The following ADAMTS2 variants were observed in gnomAD, a reference collection of about 807,000 sequenced individuals.
ADAMTS2 encodes the protein A disintegrin and metalloproteinase with thrombospondin motifs 2.
In ADAMTS2, 50 loss-of-function variants were observed where a neutral mutation model predicts 123.0. The ratio of observed to expected loss-of-function variants is 0.41; its 90% CI spans 0.32 to 0.51. ADAMTS2 has a LOEUF of 0.51. Among genes scored for constraint, ADAMTS2 ranks in the 20% least tolerant of loss-of-function variants. The pLI is 0.35. For synonymous variants in ADAMTS2, 678 were observed against 695.4 expected, an observed-to-expected ratio of 0.98 and a Z score of 0.39; for missense variants, 1,494 against 1,705.2, an observed-to-expected ratio of 0.88 and a Z score of 2.18.
chr5:179,114,176 C>T lies in ADAMTS2; in HGVS notation c.3327G>A (p.Pro1109=), dbSNP rs769116395. The T allele has an allele frequency of 1.8e-5, 29 of 1,611,940 alleles. No homozygotes were observed. The highest frequency in any genetic ancestry group is 6.7e-5 in the East Asian group (3 of 44,870). The change falls in exon 22 of 22, where the codon CCG becomes CCA. Residue 1109 remains proline, a synonymous_variant. Coordinates refer to ENST00000251582, the MANE Select transcript of ADAMTS2 (RefSeq NM_014244.5). ...LTNVEGRIEP[P]PGKHNDIDVF... is the part of the protein sequence containing the mutation. Reference sequence around the variant, plus strand: ...CGTCAATGTCGTTGTGCTTCCCAGGCGGTGGCTCTATCCTGCCCTCCACGT... The same window carrying T: ...CGTCAATGTCGTTGTGCTTCCCAGGTGGTGGCTCTATCCTGCCCTCCACGT...
chr5:179,193,700 AC>A (rs1359540717), intron 4 of ADAMTS2, among the ~76,000 whole-genome samples: 1 of 152,170 alleles, frequency 6.6e-6, no homozygotes, highest in Non-Finnish European at 1.5e-5. Context: ...TTTACTGAGC[AC>A]CTACTACGTG....
At chr5:179,238,832 T>C (rs576989836) in intron 3 of ADAMTS2, among the ~76,000 whole-genome samples, 18 of 152,168 alleles carry the variant, frequency 1.2e-4, no homozygotes, top group African/African-American at 4.1e-4. Context: ...AAGACAGACA[T>C]GATCCAGCAG....
intron 3 of ADAMTS2, among the ~76,000 whole-genome samples, chr5:179,268,486 C>T (rs1043273256): frequency 2.0e-5 from 3 of 152,238 alleles, no homozygotes; most frequent in Non-Finnish European, 4.4e-5. Flanking sequence ...ATGCTCAACA[C>T]GTGACTCGGG....
At position 179,162,150 on chromosome 5, in the gene ADAMTS2, C is replaced by T. The variant is rs140389872; in HGVS notation, c.976-3271G>A. Among the ~76,000 whole-genome samples, 34 of 152,294 alleles carry T rather than the reference C, an allele frequency of 2.2e-4. 1 individual carries two copies. The highest frequency in any genetic ancestry group is 5.1e-4 in the African/African-American group (21 of 41,556). Reference sequence around the variant, plus strand: ...GGGTCCTAAGCCCCATGTAGTGGGACGGTCCCTTCCGATGCCCTGGTGGGT... The same window carrying T: ...GGGTCCTAAGCCCCATGTAGTGGGATGGTCCCTTCCGATGCCCTGGTGGGT... On this transcript the variant is annotated intron_variant, in intron 5 of 21. Coordinates refer to ENST00000251582, the MANE Select transcript of ADAMTS2 (RefSeq NM_014244.5). This position sits in a 1 kb window ranked among gnomAD's most constrained non-coding sequence, Gnocchi z 5.1.
intron 3 of ADAMTS2, among the ~76,000 whole-genome samples, chr5:179,251,969 G>C (rs1010898929): frequency 6.6e-6 from 1 of 151,748 alleles, no homozygotes. Context: ...TCAGAACTCA[G>C]AGGTTTTGTG....
In ADAMTS2 at chr5:179,228,448, C is replaced by T. The variant is rs529872366; in HGVS notation, c.689-20733G>A. Among the ~76,000 whole-genome samples the T allele has an allele frequency of 6.6e-5, 10 of 152,306 alleles. No homozygotes were observed. The South Asian group carries it at 1.7e-3, about 25-fold the overall frequency. On this transcript the variant is annotated intron_variant, in intron 3 of 21. Transcript: ENST00000251582. The surrounding 1 kb of genome is among the most constrained non-coding windows in gnomAD (Gnocchi z 5.2). ...GGGCAGAATTGGGGGTGGACTTGCCCCAGCCTGAAGACCTCCGGGGCCCTG... is the reference window on the plus strand; with the variant it reads ...GGGCAGAATTGGGGGTGGACTTGCCTCAGCCTGAAGACCTCCGGGGCCCTG...
rs566287681 is a variant in ADAMTS2 at position 179,112,477 on chromosome 5, C to G, written c.*1390G>C. 1 of 152,262 alleles carries G rather than the reference C, an allele frequency of 6.6e-6. No homozygotes were observed. Among genetic ancestry groups the G allele is most frequent in the East Asian group, 1.9e-4 (1 of 5,178 alleles). The allele number at this position is 152,262 out of a possible 1,614,324, so 9.4% of individuals were successfully genotyped here. A position where few individuals can be genotyped will look rare whatever the true frequency, so the allele number is the denominator to read the frequency against. On this transcript the variant is annotated 3_prime_UTR_variant, in exon 22 of 22. Coordinates refer to ENST00000251582, the MANE Select transcript of ADAMTS2 (RefSeq NM_014244.5). The stretch of plus-strand genomic sequence containing the variant: ...TACTCGCATGTTGCTCACAAAGCAC[C>G]ATTCTCTGGAAAATAGGAGCTATTA...
intron 3 of ADAMTS2, among the ~76,000 whole-genome samples, chr5:179,223,527 C>CATACACTCACACACGA (rs1765190544): frequency 6.8e-6 from 1 of 146,962 alleles, no homozygotes; most frequent in Admixed American, 6.7e-5. Flanking sequence ...CACTCACACA[C>CATACACTCACACACGA]ATGCACTCAC....
intron 5 of ADAMTS2, among the ~76,000 whole-genome samples, chr5:179,164,983 C>T (rs1763669783): frequency 6.6e-6 from 1 of 152,188 alleles, no homozygotes; most frequent in Admixed American, 6.5e-5. Context: ...GACAGGTCTG[C>T]GGCCCAGGAG....
intron 5 of ADAMTS2, among the ~76,000 whole-genome samples, chr5:179,161,248 G>A (rs746136002): frequency 1.2e-4 from 19 of 152,282 alleles, no homozygotes; most frequent in Non-Finnish European, 1.6e-4. Flanking sequence ...GGAATCGGGC[G>A]AAAGAATGTC....
intron 3 of ADAMTS2, among the ~76,000 whole-genome samples, chr5:179,221,747 C>T (rs937595856): frequency 2.6e-5 from 4 of 152,136 alleles, no homozygotes; most frequent in Non-Finnish European, 5.9e-5. Flanking sequence ...GCAATGCTCA[C>T]CACGCCCCCC....
At chr5:179,187,430 C>T (rs1764196945) in intron 4 of ADAMTS2, among the ~76,000 whole-genome samples, 1 of 152,274 alleles carries the variant, frequency 6.6e-6, no homozygotes, top group Non-Finnish European at 1.5e-5. Flanking sequence ...CGTGCAACTG[C>T]TCCCAGCAGT....
rs918446768 is a variant in ADAMTS2, at chr5:179,118,273, A to T, written c.3178+3388T>A. On this transcript the variant is annotated intron_variant, in intron 21 of 21. Transcript: ENST00000251582. The surrounding 1 kb of genome is among the most constrained non-coding windows in gnomAD (Gnocchi z 4.5). ...TCATCATGACCAACTGATCTTAAAG[A>T]TGCCCCAGGTTTGTACATTTTTAAG... is the stretch of plus-strand genomic sequence containing the variant. Among the ~76,000 whole-genome samples the T allele has an allele frequency of 3.9e-5, 6 of 152,236 alleles. No homozygotes were observed. Among genetic ancestry groups the T allele is most frequent in the African/African-American group, 1.2e-4 (5 of 41,460 alleles).
chr5:179,276,018 GAGA>G (rs1766685009), intron 2 of ADAMTS2, among the ~76,000 whole-genome samples: 1 of 152,228 alleles, frequency 6.6e-6, no homozygotes, highest in Non-Finnish European at 1.5e-5. Context: ...ACCGAGGTCG[GAGA>G]AGGAGGTCAG....
intron 3 of ADAMTS2, among the ~76,000 whole-genome samples, chr5:179,257,248 C>T (rs1372144676): frequency 1.3e-5 from 2 of 152,230 alleles, no homozygotes; most frequent in South Asian, 2.1e-4. Context: ...TGGGAGCTCC[C>T]GGGATATTGC....
chr5:179,223,646 ATACACT>A (rs879746719), intron 3 of ADAMTS2, among the ~76,000 whole-genome samples: 2,109 of 29,464 alleles, frequency 0.072, 22 homozygotes, highest in East Asian at 0.18. Flanking sequence ...GCACACACAC[ATACACT>A]CACAGACGCA....
At chr5:179,343,460 C>A (rs1757839049) in intron 2 of ADAMTS2, among the ~76,000 whole-genome samples, 1 of 152,226 alleles carries the variant, frequency 6.6e-6, no homozygotes, top group South Asian at 2.1e-4. Flanking sequence ...ATACACGGAC[C>A]CACCCCCGGA....
At position 179,344,171 on chromosome 5, in the gene ADAMTS2, G is replaced by A; in HGVS notation, c.140-10C>T. ...TGCCCCAGGGGCCCGCCTGCAACGG[G>A]AAGGGGCGTTAGATCGGCGGAGACC... is the stretch of plus-strand genomic sequence containing the variant. On this transcript the variant is annotated splice_polypyrimidine_tract_variant and intron_variant, in intron 1 of 21. Coordinates refer to ENST00000251582, the MANE Select transcript of ADAMTS2 (RefSeq NM_014244.5). 3 of 1,592,066 alleles carry A rather than the reference G, an allele frequency of 1.9e-6. No individual in the cohort carries two copies. Among genetic ancestry groups the A allele is most frequent in the Non-Finnish European group, 2.6e-6 (3 of 1,170,964 alleles).
At chr5:179,316,715 C>T (rs1040708229) in intron 2 of ADAMTS2, among the ~76,000 whole-genome samples, 1 of 152,136 alleles carries the variant, frequency 6.6e-6, no homozygotes, top group Non-Finnish European at 1.5e-5. Context: ...AGGCCAAGAA[C>T]CGCTTAAGTC....
Sources: allele counts gnomAD v4.1 joint callset (sites outside exome capture counted in the v4.1 genomes callset), GRCh38; gene constraint gnomAD v4.1.1; non-coding constraint Gnocchi (gnomAD v3.1); transcripts MANE v1.5; gene names NCBI Gene and HGNC (gene_info 2026-07-23, HGNC 2026-07-21).